Variants in SGCZ observed in about 807,000 individuals in gnomAD.
The protein encoded by SGCZ is zeta-sarcoglycan.
A neutral mutation model predicts 41.3 loss-of-function variants in SGCZ; 40 were observed. That is an observed-to-expected ratio of 0.97 (90% confidence interval 0.75 to 1.26). SGCZ has a LOEUF of 1.26. SGCZ is among the 50% of genes most tolerant of loss of function. The probability of loss-of-function intolerance (pLI) is 0.00; values close to 1 mark genes in which losing one functional copy is unlikely to be tolerated. For synonymous variants in SGCZ, 206 were observed against 137.5 expected (o/e 1.50, Z -3.49); for missense variants, 552 against 369.8 (o/e 1.49, Z -4.04).
intron 2 of SGCZ, among the ~76,000 whole-genome samples, chr8:14,439,800 C>A (rs1286348291): frequency 6.6e-6 from 1 of 151,860 alleles, no homozygotes; most frequent in Non-Finnish European, 1.5e-5. Flanking sequence ...CTATAGGAAG[C>A]CTGGAACTTA....
intron 7 of SGCZ, among the ~76,000 whole-genome samples, chr8:14,091,528 G>C (rs1403715709): frequency 6.6e-6 from 1 of 152,112 alleles, no homozygotes; most frequent in East Asian, 1.9e-4. Flanking sequence ...TAACTGGCCT[G>C]AGATGGTATC....
chr8:14,861,637 A>G (rs983691906), intron 1 of SGCZ, among the ~76,000 whole-genome samples: 2 of 152,142 alleles, frequency 1.3e-5, no homozygotes, highest in South Asian at 4.1e-4. Flanking sequence ...AGATTCCGTA[A>G]AAGATAGAAA....
chr8:14,531,991 G>T (rs1271705989), intron 2 of SGCZ, among the ~76,000 whole-genome samples: 1 of 151,996 alleles, frequency 6.6e-6, no homozygotes, highest in Non-Finnish European at 1.5e-5. Context: ...AGCTAATTTT[G>T]TCAAACAAAT....
chr8:14,309,202 G>A (rs1458379274), intron 3 of SGCZ: 5 of 1,488,950 alleles, frequency 3.4e-6, no homozygotes, highest in Non-Finnish European at 3.7e-6. Context: ...ACCTGCTGCG[G>A]CTGATCTCTA....
intron 2 of SGCZ, among the ~76,000 whole-genome samples, chr8:14,336,251 C>T (rs1253574402): frequency 2.0e-5 from 3 of 152,120 alleles, no homozygotes; most frequent in Non-Finnish European, 4.4e-5. Context: ...TGATATCATT[C>T]TTATTTTTTC....
intron 5 of SGCZ, among the ~76,000 whole-genome samples, chr8:14,152,145 A>T (rs1178404533): frequency 4.0e-5 from 6 of 151,434 alleles, no homozygotes; most frequent in Non-Finnish European, 7.4e-5. Flanking sequence ...AAAACAAGCT[A>T]TGAGAGTAGG....
intron 3 of SGCZ, among the ~76,000 whole-genome samples, chr8:14,253,656 A>G (rs6530742): frequency 0.67 from 101,436 of 151,828 alleles, 34,261 homozygotes; most frequent in South Asian, 0.79. Flanking sequence ...AAATTTGCAG[A>G]CTCTGTGTTC....
At chr8:14,456,765 G>A (rs1800756771) in intron 2 of SGCZ, among the ~76,000 whole-genome samples, 1 of 152,182 alleles carries the variant, frequency 6.6e-6, no homozygotes, top group South Asian at 2.1e-4. Context: ...CTCCAATGCT[G>A]GAGGTAGGAC....
chr8:14,135,820 T>C (rs1220046614), intron 5 of SGCZ, among the ~76,000 whole-genome samples: 2 of 152,124 alleles, frequency 1.3e-5, no homozygotes, highest in African/African-American at 4.8e-5. Flanking sequence ...ATGAGATTGG[T>C]AGTACCCTGA....
At chr8:14,338,363 A>G (rs1802571783) in intron 2 of SGCZ, among the ~76,000 whole-genome samples, 1 of 152,188 alleles carries the variant, frequency 6.6e-6, no homozygotes, top group Admixed American at 6.5e-5. Context: ...CATCTTTCCA[A>G]GGGTAGACAC....
At chr8:15,104,161 A>G (rs1033635196) in intron 1 of SGCZ, among the ~76,000 whole-genome samples, 1 of 152,162 alleles carries the variant, frequency 6.6e-6, no homozygotes, top group Non-Finnish European at 1.5e-5. Flanking sequence ...CAACTTATCA[A>G]ATGGTTCTGG....
intron 1 of SGCZ, among the ~76,000 whole-genome samples, chr8:14,975,384 A>G (rs1267512560): frequency 6.6e-6 from 1 of 152,182 alleles, no homozygotes; most frequent in Non-Finnish European, 1.5e-5. Context: ...TCGAAGCACA[A>G]TGAGAAGAAA....
At chr8:14,628,601 G>A (rs866989027) in intron 1 of SGCZ, among the ~76,000 whole-genome samples, 3 of 152,088 alleles carry the variant, frequency 2.0e-5, no homozygotes, top group Non-Finnish European at 2.9e-5. Context: ...AAATGCAAGA[G>A]AGGAGCTCTT....
Position 14,887,682 on chromosome 8 carries a change from C to G in SGCZ, c.40-332756G>C, listed in dbSNP as rs146867557. Among the ~76,000 whole-genome samples, 1,398 of 152,022 alleles carry G rather than the reference C, an allele frequency of 9.2e-3. 16 individuals are homozygous for G. The highest frequency in any genetic ancestry group is 0.032 in the African/African-American group (1,312 of 41,464). On this transcript the variant is annotated intron_variant, in intron 1 of 7. Coordinates refer to ENST00000382080, the MANE Select transcript of SGCZ (RefSeq NM_139167.4). ...AGAGGAAAATGTAAACAATAATGAA[C>G]ATAGCAGCTGTAGCAATATGACAGG...
intron 5 of SGCZ, among the ~76,000 whole-genome samples, chr8:14,114,285 G>C (rs1324767337): frequency 6.6e-6 from 1 of 152,000 alleles, no homozygotes; most frequent in Non-Finnish European, 1.5e-5. Context: ...CTGTTTCCTA[G>C]TGTATCTCCT....
chr8:14,487,471 T>G (rs1284217391), intron 2 of SGCZ, among the ~76,000 whole-genome samples: 1 of 152,264 alleles, frequency 6.6e-6, no homozygotes, highest in African/African-American at 2.4e-5. Context: ...GTTTCTCACC[T>G]AGATGTGCTG....
intron 1 of SGCZ, among the ~76,000 whole-genome samples, chr8:15,133,392 C>A (rs1807986006): frequency 6.6e-6 from 1 of 152,110 alleles, no homozygotes; most frequent in East Asian, 1.9e-4. Context: ...CAAGCAATAT[C>A]CTCCCTATCT....
intron 1 of SGCZ, among the ~76,000 whole-genome samples, chr8:15,205,171 C>T (rs1801020571): frequency 3.3e-5 from 5 of 152,058 alleles, no homozygotes; most frequent in Admixed American, 2.0e-4. Context: ...ACAACGAAGG[C>T]AATACCACCC....
At chr8:15,075,689 A>C (rs1331450058) in intron 1 of SGCZ, among the ~76,000 whole-genome samples, 2 of 152,168 alleles carry the variant, frequency 1.3e-5, no homozygotes, top group African/African-American at 4.8e-5. Context: ...TCCAGGCACT[A>C]ACATAAGCTA....
Sources: allele counts gnomAD v4.1 joint callset (sites outside exome capture counted in the v4.1 genomes callset), GRCh38; gene constraint gnomAD v4.1.1; transcripts MANE v1.5; gene names NCBI Gene and HGNC (gene_info 2026-07-23, HGNC 2026-07-21).